Variants in DCTN3 observed in about 807,000 individuals in gnomAD.
DCTN3 encodes the protein dynactin 3 (p22).
In DCTN3, 25 loss-of-function variants were observed where a neutral mutation model predicts 28.4. That is an observed-to-expected ratio of 0.88 (90% CI 0.64 to 1.23). The LOEUF is 1.23. Ranked by LOEUF, DCTN3 falls within the 50% of genes most tolerant of loss-of-function variation. DCTN3 has a pLI of 0.00. For missense variants in DCTN3, 229 were observed against 232.0 expected (o/e 0.99, Z 0.08); for synonymous variants, 81 against 91.4 (o/e 0.89, Z 0.65).
chr9:34,614,806 G>C (rs1203053269), intron 4 of DCTN3, 38 bp from the exon 5 acceptor site: 2 of 1,612,494 alleles, frequency 1.2e-6, no homozygotes, highest in South Asian at 2.2e-5. Flanking sequence ...TGATGCTTGT[G>C]CCCTCCCCCG....
chr9:34,619,909 T>A (rs907062943), intron 1 of DCTN3, among the ~76,000 whole-genome samples: 1 of 152,196 alleles, frequency 6.6e-6, no homozygotes, highest in Non-Finnish European at 1.5e-5. Context: ...TTCCTAATCC[T>A]GGTCCTTTCA....
Position 34,618,721 on chromosome 9 carries a change from T to C in DCTN3, c.136A>G (p.Asn46Asp). ...GLVKVQVALG[N>D]ISSKRERVKI... ...ACCCTCTCCCTCTTGCTGGAAATGTTCCCCAAAGCCACCTGCACCTTGACC... is the reference window on the plus strand; with the variant it reads ...ACCCTCTCCCTCTTGCTGGAAATGTCCCCCAAAGCCACCTGCACCTTGACC... Residue 46 changes from asparagine to aspartate, a missense_variant, in exon 2 of 7, where the codon AAC becomes GAC. Coordinates refer to ENST00000259632, the MANE Select transcript of DCTN3 (RefSeq NM_007234.5). 2 of 1,614,184 alleles carry C rather than the reference T, an allele frequency of 1.2e-6. No individual in the cohort carries two copies.
rs1321168639 is a variant in DCTN3, at chr9:34,616,023, G to A, written c.352+7C>T. Reference sequence around the variant, plus strand: ...AGAGTAGTGAAGCTATAACCCCAGAGAGATACCTTTGATGTGAGCACTGTC... The same window carrying A: ...AGAGTAGTGAAGCTATAACCCCAGAAAGATACCTTTGATGTGAGCACTGTC... On this transcript the variant is annotated splice_region_variant and intron_variant, in intron 4 of 6. Coordinates refer to ENST00000259632, the MANE Select transcript of DCTN3 (RefSeq NM_007234.5). This position sits in a 1 kb window ranked among gnomAD's most constrained non-coding sequence, Gnocchi z 4.7. 3 of 1,613,080 alleles carry A rather than the reference G, an allele frequency of 1.9e-6. No homozygotes were observed.
intron 4 of DCTN3, chr9:34,615,363 C>A (rs569181270): frequency 6.5e-6 from 1 of 152,716 alleles, no homozygotes; most frequent in African/African-American, 2.4e-5. Context: ...GGACTGCTCT[C>A]AGCAGTGCAG....
At chr9:34,619,251 G>A (rs1190964022) in intron 1 of DCTN3, among the ~76,000 whole-genome samples, 3 of 152,188 alleles carry the variant, frequency 2.0e-5, no homozygotes, top group African/African-American at 4.8e-5. Context: ...GAGAGAAAGA[G>A]TACAGTTAAG....
chr9:34,617,947 T>G lies in DCTN3; in HGVS notation c.206A>C (p.Asp69Ala), dbSNP rs758350530. 1.2e-6 allele frequency: 2 copies of G among 1,613,626 alleles called. No homozygotes were observed. Among genetic ancestry groups the G allele is most frequent in the East Asian group, 2.2e-5 (1 of 44,896 alleles). Residue 69 changes from aspartate to alanine, a missense_variant, in exon 3 of 7, where the codon GAT (aspartate) becomes GCT (alanine). By Grantham distance (126) the Asp-to-Ala change is moderately radical (BLOSUM62 -2). Transcript: ENST00000259632. ...GGCAATGCGGTCGATGTACTCAGGATCCAGGTACTTGATCAGATCTTCAAC... is the reference window on the plus strand; with the variant it reads ...GGCAATGCGGTCGATGTACTCAGGAGCCAGGTACTTGATCAGATCTTCAAC... Reference protein sequence around the residue: ...KKIEDLIKYLDPEYIDRIAIP... With the variant: ...KKIEDLIKYLAPEYIDRIAIP...
In DCTN3 at chr9:34,614,582, G is replaced by A. The variant is rs1318476099; in HGVS notation, c.411+128C>T. ...CTCCCTGGGGCATATGCAAGATAAA[G>A]GATAAACCCCAAAGTTTCTGCTGAG... On this transcript the variant is annotated intron_variant, in intron 5 of 6. Coordinates refer to ENST00000259632, the MANE Select transcript of DCTN3 (RefSeq NM_007234.5). The A allele has an allele frequency of 3.7e-6, 4 of 1,094,890 alleles. No homozygotes were observed. In the African/African-American group the frequency reaches 4.7e-5, roughly 13 times the overall value. The allele number at this position is 1,094,890 out of a possible 1,614,324, so 67.8% of individuals were successfully genotyped here.
chr9:34,618,971 G>T (rs1490140297), intron 1 of DCTN3, among the ~76,000 whole-genome samples: 1 of 152,212 alleles, frequency 6.6e-6, no homozygotes, highest in African/African-American at 2.4e-5. Context: ...GGAGTTTCAA[G>T]TCTGATGGGG....
At chr9:34,614,981 C>G in intron 4 of DCTN3, 1 of 583,604 alleles carries the variant, frequency 1.7e-6, no homozygotes, top group Non-Finnish European at 3.0e-6. Flanking sequence ...AGATACATGT[C>G]CCGAGGAGAA....
In DCTN3 at chr9:34,613,737, C is replaced by A. The variant is rs1164451627; in HGVS notation, c.*45G>T. On this transcript the variant is annotated 3_prime_UTR_variant, in exon 7 of 7. Transcript: ENST00000259632. ...AACAAAGGCAGGTTGGCATAGGGCC[C>A]TGGAGCCTGACTGCCCAGGCCCACT... The A allele has an allele frequency of 3.7e-6, 6 of 1,611,200 alleles. No homozygotes were observed. The South Asian group carries it at 6.6e-5, about 18-fold the overall frequency.
chr9:34,614,175 A>C (rs753822509), intron 5 of DCTN3, 74 bp from the exon 6 acceptor site: 1 of 1,613,216 alleles, frequency 6.2e-7, no homozygotes, highest in South Asian at 1.1e-5. Context: ...CTGCCTCATC[A>C]CGGACTCCCA....
chr9:34,620,437 G>C lies in DCTN3; in HGVS notation c.28C>G (p.Leu10Val). Residue 10 changes from leucine (L) to valine (V), a missense_variant, in exon 1 of 7, where the codon CTA becomes GTA. Leu to Val is a conservative substitution (Grantham distance 32, BLOSUM62 1). Transcript: ENST00000259632. MAGLTDLQR[L>V]QARVEELERW... ...TCCAGCTCTTCCACTCGGGCCTGTA[G>C]CCGCTGCAAGTCAGTCAGACCCGCC... The C allele has an allele frequency of 6.4e-7, 1 of 1,556,696 alleles. No individual in the cohort carries two copies.
At chr9:34,615,475 G>C (rs1820403376) in intron 4 of DCTN3, 1 of 152,336 alleles carries the variant, frequency 6.6e-6, no homozygotes, top group South Asian at 2.1e-4. Flanking sequence ...GTAGGTAGAA[G>C]GCAGAAGGAA....
chr9:34,620,460 G>T lies in DCTN3; in HGVS notation c.5C>A (p.Ala2Glu), dbSNP rs1468526511. The T allele has an allele frequency of 5.2e-6, 8 of 1,550,462 alleles. No individual in the cohort carries two copies. The highest frequency in any genetic ancestry group is 7.0e-6 in the Non-Finnish European group (8 of 1,147,764). Residue 2 changes from alanine (A) to glutamate (E), a missense_variant, in exon 1 of 7, where the codon GCG (alanine) becomes GAG (glutamate). Physicochemically the swap from Ala to Glu is moderately radical, Grantham distance 107. Transcript: ENST00000259632. Reference sequence around the variant, plus strand: ...TAGCCGCTGCAAGTCAGTCAGACCCGCCATCGCTACTACCGACCCACCTCG... The same window carrying T: ...TAGCCGCTGCAAGTCAGTCAGACCCTCCATCGCTACTACCGACCCACCTCG... Reference protein sequence around the residue: MAGLTDLQRLQA... With the variant: MEGLTDLQRLQA...
intron 1 of DCTN3, among the ~76,000 whole-genome samples, chr9:34,619,798 G>A (rs1020345569): frequency 1.3e-5 from 2 of 152,170 alleles, no homozygotes; most frequent in Non-Finnish European, 2.9e-5. Context: ...ATAGTAGAAA[G>A]GGGAGGAGAG....
chr9:34,617,667 G>T, intron 3 of DCTN3: 2 of 1,471,680 alleles, frequency 1.4e-6, no homozygotes, highest in South Asian at 1.2e-5. Flanking sequence ...CTCCCACTGT[G>T]GCTGGCACCA....
At chr9:34,620,112 C>CTA (rs1820518545) in intron 1 of DCTN3, among the ~76,000 whole-genome samples, 1 of 152,210 alleles carries the variant, frequency 6.6e-6, no homozygotes, top group Non-Finnish European at 1.5e-5. Context: ...GTCTCCCCAA[C>CTA]TATAGCTCGC....
At position 34,616,914 on chromosome 9, in the gene DCTN3, T is replaced by C. The variant is rs1820435836; in HGVS notation, c.269-801A>G. 6.6e-6 allele frequency among the ~76,000 whole-genome samples: 1 copy of C among 152,114 alleles called. No homozygotes were observed. Among genetic ancestry groups the C allele is most frequent in the African/African-American group, 2.4e-5 (1 of 41,404 alleles). On this transcript the variant is annotated intron_variant, in intron 3 of 6. Coordinates refer to ENST00000259632, the MANE Select transcript of DCTN3 (RefSeq NM_007234.5). The surrounding 1 kb of genome is among the most constrained non-coding windows in gnomAD (Gnocchi z 4.7). ...TAGGCAAAGTGACATGTTGGGAACA[T>C]GTTTTTGTGAGGGTGAGACTGAACC...
intron 4 of DCTN3, 61 bp from the exon 5 acceptor site, chr9:34,614,829 A>T (rs1820387126): frequency 6.3e-7 from 1 of 1,594,390 alleles, no homozygotes; most frequent in African/African-American, 1.3e-5. Flanking sequence ...ACTGCTCAAT[A>T]GTCTATTAGG....
Sources: gnomAD v4.1 joint callset for allele counts (sites outside exome capture counted in the v4.1 genomes callset) on GRCh38, gnomAD v4.1.1 for gene constraint, Gnocchi (gnomAD v3.1) non-coding constraint, MANE v1.5 for transcripts, NCBI Gene and HGNC (gene_info 2026-07-23, HGNC 2026-07-21) for gene names.